The following SP100 variants were observed in gnomAD, a reference collection of about 807,000 sequenced individuals.
SP100 encodes nuclear autoantigen Sp-100.
SP100 carries 84 observed loss-of-function variants against 130.0 expected under a neutral mutation model. The ratio of observed to expected loss-of-function variants is 0.65; its 90% CI spans 0.54 to 0.77. The LOEUF is 0.77. SP100 is among the 30% of genes least tolerant of loss of function. The probability of loss-of-function intolerance (pLI) is 0.00; values close to 1 mark genes in which losing one functional copy is unlikely to be tolerated. For missense variants in SP100, 978 were observed against 1,052.2 expected, an observed-to-expected ratio of 0.93 and a Z score of 0.97; for synonymous variants, 331 against 351.7, an observed-to-expected ratio of 0.94 and a Z score of 0.66.
chr2:230,520,290 G>C (rs1336172533), intron 24 of SP100, among the ~76,000 whole-genome samples: 1 of 152,180 alleles, frequency 6.6e-6, no homozygotes, highest in Non-Finnish European at 1.5e-5. Flanking sequence ...TTTGGTCACA[G>C]ACAGAGAATG....
chr2:230,515,944 T>C lies in SP100; in HGVS notation c.2094+4778T>C, dbSNP rs531441231. 43 of 1,061,628 alleles carry C rather than the reference T, an allele frequency of 4.1e-5. No homozygotes were observed. In the Admixed American group the frequency reaches 7.9e-4, roughly 20 times the overall value. 65.8% of individuals were successfully genotyped at this position (1,061,628 alleles called of 1,614,324 possible). ...AGTTGTATATGAGGATGGTAGTTTTTTCACCTTCAGTTGTCTCTGATGTAG... is the reference window on the plus strand; with the variant it reads ...AGTTGTATATGAGGATGGTAGTTTTCTCACCTTCAGTTGTCTCTGATGTAG... On this transcript the variant is annotated intron_variant, in intron 24 of 28. Transcript: ENST00000340126.
In SP100 at chr2:230,417,573, G is replaced by T; in HGVS notation, c.33-18G>T. 6.2e-7 allele frequency: 1 copy of T among 1,608,688 alleles called. No homozygotes were observed. On this transcript the variant is annotated intron_variant, in intron 1 of 28. Transcript: ENST00000340126. Reference sequence around the variant, plus strand: ...AGGGTCCAGTTATTTACTTGGTCCTGCCAAATTGTCTTTCTAGGAGGCTGA... The same window carrying T: ...AGGGTCCAGTTATTTACTTGGTCCTTCCAAATTGTCTTTCTAGGAGGCTGA...
intron 19 of SP100, among the ~76,000 whole-genome samples, chr2:230,502,032 CTT>C (rs34173215): frequency 1.8e-4 from 24 of 135,940 alleles, no homozygotes; most frequent in Admixed American, 2.2e-4. Flanking sequence ...CCACACCCAG[CTT>C]TTTTTTTTTT....
At chr2:230,494,148 T>A (rs1031313965) in intron 17 of SP100, among the ~76,000 whole-genome samples, 5 of 151,872 alleles carry the variant, frequency 3.3e-5, no homozygotes, top group African/African-American at 1.2e-4. Flanking sequence ...TCAGCTACTT[T>A]AAAAACTTTC....
At chr2:230,423,691 T>C (rs957404240) in intron 2 of SP100, among the ~76,000 whole-genome samples, 3 of 152,242 alleles carry the variant, frequency 2.0e-5, no homozygotes, top group Non-Finnish European at 4.4e-5. Flanking sequence ...TGTTTGGCCT[T>C]TATAACGTAT....
intron 19 of SP100, among the ~76,000 whole-genome samples, chr2:230,501,507 C>G (rs939264343): frequency 6.6e-6 from 1 of 152,036 alleles, no homozygotes; most frequent in African/African-American, 2.4e-5. Flanking sequence ...ACAAAAAAAC[C>G]TCTAAGTAAT....
chr2:230,514,257 A>C (rs544538691), intron 24 of SP100, among the ~76,000 whole-genome samples: 116 of 152,342 alleles, frequency 7.6e-4, no homozygotes, highest in African/African-American at 2.7e-3. Flanking sequence ...CTTTTCTTGG[A>C]AGAAATAAAA....
chr2:230,443,245 T>G (rs944165961), intron 3 of SP100, 146 bp downstream of exon 3: 13 of 717,768 alleles, frequency 1.8e-5, no homozygotes, highest in Admixed American at 1.7e-4. Context: ...TTTCTGTAAG[T>G]GCTCCTGTAA....
chr2:230,473,867 G>A (rs2065398418), intron 16 of SP100, among the ~76,000 whole-genome samples: 1 of 150,284 alleles, frequency 6.7e-6, no homozygotes, highest in African/African-American at 2.5e-5. Context: ...TATAAAGCGA[G>A]TTCCATCCTT....
intron 19 of SP100, 70 bp from the exon 20 acceptor site, chr2:230,502,996 A>G: frequency 8.4e-7 from 1 of 1,192,722 alleles, no homozygotes; most frequent in Non-Finnish European, 1.2e-6. Context: ...TTGCATTTGA[A>G]TGGTGGTTTT....
chr2:230,507,599 C>A (rs969193386), intron 22 of SP100, among the ~76,000 whole-genome samples: 1 of 152,090 alleles, frequency 6.6e-6, no homozygotes, highest in Admixed American at 6.5e-5. Flanking sequence ...AAGAGAAAGT[C>A]ATTTCTGGCT....
At chr2:230,487,977 C>T (rs1052373333) in intron 17 of SP100, among the ~76,000 whole-genome samples, 1 of 152,106 alleles carries the variant, frequency 6.6e-6, no homozygotes, top group African/African-American at 2.4e-5. Context: ...CATGATTTGG[C>T]TCTCTGCTTG....
intron 2 of SP100, among the ~76,000 whole-genome samples, chr2:230,428,242 A>C (rs566425487): frequency 6.6e-6 from 1 of 152,238 alleles, no homozygotes; most frequent in South Asian, 2.1e-4. Flanking sequence ...AAAATAAATA[A>C]ATAAAAAATA....
chr2:230,420,902 C>T (rs1437447720), intron 2 of SP100, among the ~76,000 whole-genome samples: 1 of 152,110 alleles, frequency 6.6e-6, no homozygotes, highest in Non-Finnish European at 1.5e-5. Context: ...TGATACAGCT[C>T]TTTGTAATTT....
Position 230,449,651 on chromosome 2 carries a change from A to G in SP100, c.677A>G (p.Asp226Gly). The G allele has an allele frequency of 1.2e-6, 2 of 1,614,206 alleles. No homozygotes were observed. Among genetic ancestry groups the G allele is most frequent in the Non-Finnish European group, 1.7e-6 (2 of 1,180,016 alleles). ...AGAAAAGATACAACCAGTGACAAAGATGATTCGCTAGGAAGCCAACAAACA... is the reference window on the plus strand; with the variant it reads ...AGAAAAGATACAACCAGTGACAAAGGTGATTCGCTAGGAAGCCAACAAACA... ...AKRKDTTSDK[D>G]DSLGSQQTNE... Residue 226 changes from aspartate to glycine, a missense_variant, in exon 7 of 29, where the codon GAT becomes GGT. Transcript: ENST00000340126.
chr2:230,449,048 C>A, intron 5 of SP100, 40 bp from the exon 6 acceptor site: 1 of 1,281,532 alleles, frequency 7.8e-7, no homozygotes, highest in Non-Finnish European at 1.1e-6. Context: ...AAAATCCATA[C>A]CTCGATTTCT....
chr2:230,468,034 T>C (rs78569813), intron 13 of SP100, among the ~76,000 whole-genome samples: 123 of 152,330 alleles, frequency 8.1e-4, no homozygotes, highest in Non-Finnish European at 1.4e-3. Flanking sequence ...AATAGTGATA[T>C]TTGAAAATAT....
chr2:230,524,179 C>CAAAAAAATAAAA (rs1691304456), intron 24 of SP100, among the ~76,000 whole-genome samples: 1 of 75,422 alleles, frequency 1.3e-5, no homozygotes, highest in Non-Finnish European at 2.4e-5. Flanking sequence ...ACTAAAAATA[C>CAAAAAAATAAAA]AAAAAAAAAA....
intron 21 of SP100, 24 bp downstream of exon 21, chr2:230,504,314 AT>A: frequency 7.4e-7 from 1 of 1,354,178 alleles, no homozygotes; most frequent in Non-Finnish European, 1.1e-6. Flanking sequence ...TCCATCTACG[AT>A]TTTCAGCTGG....
Sources: gnomAD v4.1 joint callset for allele counts (sites outside exome capture counted in the v4.1 genomes callset) on GRCh38, gnomAD v4.1.1 for gene constraint, MANE v1.5 for transcripts, NCBI Gene and HGNC (gene_info 2026-07-23, HGNC 2026-07-21) for gene names.